Variants in TM9SF1 observed in about 807,000 individuals in gnomAD.
The protein encoded by TM9SF1 is transmembrane 9 superfamily member 1, also known as MP70 protein family member.
Under a neutral mutation model 52.4 loss-of-function variants are expected in TM9SF1, and 25 were observed. The observed-to-expected ratio is 0.48, with a 90% CI of 0.35 to 0.67. TM9SF1 has a LOEUF of 0.67. TM9SF1 is among the 30% of genes least tolerant of loss of function. The pLI is 0.01. For missense variants in TM9SF1, 604 were observed against 780.3 expected (o/e 0.77, Z 2.69); for synonymous variants, 284 against 299.8 (o/e 0.95, Z 0.55).
At chr14:24,190,239 A>G in intron 5 of TM9SF1, 141 bp downstream of exon 5, 1 of 1,490,546 alleles carries the variant, frequency 6.7e-7, no homozygotes, top group Non-Finnish European at 8.9e-7. Context: ...GCTTGGGGAT[A>G]GGAGGAACCA....
At chr14:24,190,986 C>T (rs1028244927) in intron 4 of TM9SF1, among the ~76,000 whole-genome samples, 65 of 151,810 alleles carry the variant, frequency 4.3e-4, no homozygotes, top group Middle Eastern at 3.4e-3. Context: ...CTCAGCCTCC[C>T]GAGTGAGTAG....
At position 24,192,444 on chromosome 14, in the gene TM9SF1, C is replaced by T; in HGVS notation, c.968-88G>A. On this transcript the variant is annotated intron_variant, in intron 3 of 5. Transcript: ENST00000261789. This position sits in a 1 kb window ranked among gnomAD's most constrained non-coding sequence, Gnocchi z 4.0. ...AGGAATCAGCCCCCCTTCTCCCAGA[C>T]CCAGGGCCTCCAGCAAAACAATCTC... 3 of 1,465,488 alleles carry T rather than the reference C, an allele frequency of 2.0e-6. No individual in the cohort carries two copies. Among genetic ancestry groups the T allele is most frequent in the East Asian group, 2.4e-5 (1 of 41,930 alleles). 90.8% of individuals were successfully genotyped at this position (1,465,488 alleles called of 1,614,324 possible).
Position 24,192,598 on chromosome 14 carries a change from C to G in TM9SF1, c.967+50G>C, listed in dbSNP as rs755220140. On this transcript the variant is annotated intron_variant, in intron 3 of 5. Transcript: ENST00000261789. This position sits in a 1 kb window ranked among gnomAD's most constrained non-coding sequence, Gnocchi z 4.0. ...AGACCTTTTCTGAACAAACTCCCTA[C>G]CTAGTTCTATCCCATGAGATAAATC... The G allele has an allele frequency of 1.4e-5, 21 of 1,526,956 alleles. No individual in the cohort carries two copies. The highest frequency in any genetic ancestry group is 1.8e-5 in the Non-Finnish European group (21 of 1,139,728). 94.6% of individuals were successfully genotyped at this position (1,526,956 alleles called of 1,614,324 possible).
rs745363681 is a variant in TM9SF1 at position 24,192,965 on chromosome 14, C to T, written c.650G>A (p.Ser217Asn). 3.1e-6 allele frequency: 5 copies of T among 1,614,008 alleles called. No homozygotes were observed. The South Asian group carries it at 4.4e-5, about 14-fold the overall frequency. Reference protein sequence around the residue: ...RWSETSVERRSDRRRGDDGGF... With the variant: ...RWSETSVERRNDRRRGDDGGF... Reference sequence around the variant, plus strand: ...ACCATCGTCACCACGGCGCCTGTCACTCCGACGCTCCACTGAAGTCTCAGA... The same window carrying T: ...ACCATCGTCACCACGGCGCCTGTCATTCCGACGCTCCACTGAAGTCTCAGA... The change falls in exon 3 of 6, where the codon AGT (serine) becomes AAT (asparagine). Residue 217 changes from serine (S) to asparagine (N), a missense_variant. By Grantham distance (46) the Ser-to-Asn change is conservative. Transcript: ENST00000261789. The surrounding 1 kb of genome is among the most constrained non-coding windows in gnomAD (Gnocchi z 4.0).
In TM9SF1 at chr14:24,194,232, G is replaced by A. The variant is rs532947438; in HGVS notation, c.345+443C>T. On this transcript the variant is annotated intron_variant, in intron 2 of 5. Coordinates refer to ENST00000261789, the MANE Select transcript of TM9SF1 (RefSeq NM_006405.7). Reference sequence around the variant, plus strand: ...TAAGGCCTAGAAAAAGGAGAGCGGTGAGGTATAAGGAGGTCTGGAGTGGAC... The same window carrying A: ...TAAGGCCTAGAAAAAGGAGAGCGGTAAGGTATAAGGAGGTCTGGAGTGGAC... Among the ~76,000 whole-genome samples the A allele has an allele frequency of 2.6e-5, 4 of 152,252 alleles. No individual in the cohort carries two copies. The South Asian group carries it at 8.3e-4, about 32-fold the overall frequency.
Position 24,189,699 on chromosome 14 carries a change from C to T in TM9SF1, c.1537G>A (p.Ala513Thr). The change falls in exon 6 of 6, where the codon GCT becomes ACT. Residue 513 changes from alanine (A) to threonine (T), a missense_variant. Ala to Thr is a moderately conservative substitution (Grantham distance 58, BLOSUM62 0). Around this residue, in one of 3 missense-constraint regions of TM9SF1, gnomAD observed 107 missense variants for 180.5 expected, o/e 0.59. Coordinates refer to ENST00000261789, the MANE Select transcript of TM9SF1 (RefSeq NM_006405.7). ...FVFAILLSVGACISIALTYFQ... is the reference protein window; with the variant it reads ...FVFAILLSVGTCISIALTYFQ... ...TAGGTGAGTGCAATGGAGATGCAAG[C>T]CCCCACACTCAGCAGGATGGCGAAG... The T allele has an allele frequency of 6.2e-7, 1 of 1,614,144 alleles. No individual in the cohort carries two copies. Among genetic ancestry groups the T allele is most frequent in the Non-Finnish European group, 8.5e-7 (1 of 1,180,004 alleles).
chr14:24,193,422 A>G (rs993719754), intron 2 of TM9SF1, among the ~76,000 whole-genome samples, 153 bp from the exon 3 acceptor site: 4 of 151,922 alleles, frequency 2.6e-5, no homozygotes, highest in African/African-American at 9.7e-5. Flanking sequence ...GCTGGAGTGC[A>G]GTGGTGCGAT....
Position 24,193,145 on chromosome 14 carries a change from A to G in TM9SF1, c.470T>C (p.Ile157Thr), listed in dbSNP as rs371965763. The G allele has an allele frequency of 5.0e-6, 8 of 1,614,022 alleles. No homozygotes were observed. In the African/African-American group the frequency reaches 8.0e-5, roughly 16 times the overall value. The change falls in exon 3 of 6, where the codon ATA becomes ACA. Residue 157 changes from isoleucine to threonine, a missense_variant. Around this residue, in one of 3 missense-constraint regions of TM9SF1, gnomAD observed 450 missense variants for 560.1 expected, o/e 0.80. Coordinates refer to ENST00000261789, the MANE Select transcript of TM9SF1 (RefSeq NM_006405.7). ...ESGFLPHSHK[I>T]GLWTHLDFHL... Reference sequence around the variant, plus strand: ...GAAGTCCAAATGGGTCCAGAGTCCTATCTTGTGGCTGTGTGGCAGGAAACC... The same window carrying G: ...GAAGTCCAAATGGGTCCAGAGTCCTGTCTTGTGGCTGTGTGGCAGGAAACC...
At position 24,192,101 on chromosome 14, in the gene TM9SF1, TGTGACCA is replaced by T; in HGVS notation, c.1153+63_1153+69del. On this transcript the variant is annotated intron_variant, in intron 4 of 5. Coordinates refer to ENST00000261789, the MANE Select transcript of TM9SF1 (RefSeq NM_006405.7). This position sits in a 1 kb window ranked among gnomAD's most constrained non-coding sequence, Gnocchi z 4.0. ...TGCTAGGATTACAGGTGTGAGCCAC[TGTGACCA>T]GCCACAATGTGTTCTTCATTCCTAA... 1 of 1,515,698 alleles carries T rather than the reference TGTGACCA, an allele frequency of 6.6e-7. No homozygotes were observed. The highest frequency in any genetic ancestry group is 9.1e-7 in the Non-Finnish European group (1 of 1,093,376). The allele number at this position is 1,515,698 out of a possible 1,614,324, so 93.9% of individuals were successfully genotyped here.
In TM9SF1 at chr14:24,192,404, T is replaced by G; in HGVS notation, c.968-48A>C. On this transcript the variant is annotated intron_variant, in intron 3 of 5. Transcript: ENST00000261789. This position sits in a 1 kb window ranked among gnomAD's most constrained non-coding sequence, Gnocchi z 4.0. ...CCAAGTTAGGCCTCACCTGTGTCTC[T>G]TCTAGCAATTTCAGAGGAATCAGCC... is the stretch of plus-strand genomic sequence containing the variant. 31 of 1,574,168 alleles carry G rather than the reference T, an allele frequency of 2.0e-5. No homozygotes were observed. The highest frequency in any genetic ancestry group is 2.2e-5 in the South Asian group (2 of 89,060).
chr14:24,189,692 A>G lies in TM9SF1; in HGVS notation c.1544T>C (p.Ile515Thr). 1.1e-5 allele frequency: 17 copies of G among 1,614,160 alleles called. No individual in the cohort carries two copies. Among genetic ancestry groups the G allele is most frequent in the Non-Finnish European group, 1.4e-5 (17 of 1,180,004 alleles). ...CTGGAAGTAGGTGAGTGCAATGGAG[A>G]TGCAAGCCCCCACACTCAGCAGGAT... ...FAILLSVGAC[I>T]SIALTYFQLS... The change falls in exon 6 of 6, where the codon ATC becomes ACC. Residue 515 changes from isoleucine (I) to threonine (T), a missense_variant. Around this residue, in one of 3 missense-constraint regions of TM9SF1, gnomAD observed 107 missense variants for 180.5 expected, o/e 0.59. Transcript: ENST00000261789.
In TM9SF1 at chr14:24,194,842, G is replaced by T. The variant is rs1323886166; in HGVS notation, c.178C>A (p.His60Asn). ...CAGCAGACTGGAAGCTGATAGTAGT[G>T]GTAAGTTTCCTGAGGGTTATGGTAG... ...GPYHNPQETY[H>N]YYQLPVCCPE... is the part of the protein sequence containing the mutation. The change falls in exon 2 of 6, where the codon CAC becomes AAC. Residue 60 changes from histidine to asparagine, a missense_variant. Physicochemically the swap from His to Asn is moderately conservative, Grantham distance 68. Transcript: ENST00000261789. The T allele has an allele frequency of 3.1e-6, 5 of 1,614,086 alleles. No individual in the cohort carries two copies. Among genetic ancestry groups the T allele is most frequent in the Non-Finnish European group, 4.2e-6 (5 of 1,180,048 alleles).
In TM9SF1 at chr14:24,193,237, C is replaced by T. The variant is rs2039350480; in HGVS notation, c.378G>A (p.Leu126=). The T allele has an allele frequency of 6.2e-7, 1 of 1,610,902 alleles. No individual in the cohort carries two copies. Among genetic ancestry groups the T allele is most frequent in the Admixed American group, 1.7e-5 (1 of 59,844 alleles). ...VEQLRQAIEE[L]YYFEFVVDDL... is the part of the protein sequence containing the mutation. ...CATCTACCACAAATTCAAAGTAGTA[C>T]AGTTCTTCAATGGCCTGGCGCAGCT... The change falls in exon 3 of 6, where the codon CTG becomes CTA. Residue 126 remains leucine (L), a synonymous_variant. Coordinates refer to ENST00000261789, the MANE Select transcript of TM9SF1 (RefSeq NM_006405.7).
In TM9SF1 at chr14:24,192,296, G is replaced by C; in HGVS notation, c.1028C>G (p.Ser343Ter). The C allele has an allele frequency of 6.2e-7, 1 of 1,614,184 alleles. No homozygotes were observed. Among genetic ancestry groups the C allele is most frequent in the Non-Finnish European group, 8.5e-7 (1 of 1,180,044 alleles). Residue 343 changes from serine to a stop codon, truncating the protein, a stop_gained, in exon 4 of 6, where the codon TCA becomes TGA. Coordinates refer to ENST00000261789, the MANE Select transcript of TM9SF1 (RefSeq NM_006405.7). LOFTEE classifies it high-confidence loss of function. This position sits in a 1 kb window ranked among gnomAD's most constrained non-coding sequence, Gnocchi z 4.0. ...CAGGGCATACAACAAGATGGCTGCT[G>C]AGTTAATGGCCCCATGACGGTGCAC... ...FNVHRHGAIN[S>*]AAILLYALTC...
intron 5 of TM9SF1, 137 bp from the exon 6 acceptor site, chr14:24,189,945 C>T: frequency 7.1e-7 from 1 of 1,409,540 alleles, no homozygotes; most frequent in Non-Finnish European, 9.3e-7. Flanking sequence ...CTCTCTGCCC[C>T]AGATCTCCTG....
At chr14:24,193,611 T>C (rs1185836500) in intron 2 of TM9SF1, among the ~76,000 whole-genome samples, 4 of 149,926 alleles carry the variant, frequency 2.7e-5, no homozygotes, top group East Asian at 2.1e-4. Context: ...ATGATCTGCC[T>C]GCCTCGGCCT....
chr14:24,189,380 A>AG lies in TM9SF1; in HGVS notation c.*34dup, dbSNP rs1188676150. On this transcript the variant is annotated 3_prime_UTR_variant, in exon 6 of 6. Coordinates refer to ENST00000261789, the MANE Select transcript of TM9SF1 (RefSeq NM_006405.7). Reference sequence around the variant, plus strand: ...GGAGAGTTCAACAGGGCATGAAGAAAGGGAGAGAACAGCAATAGTTCTGCC... The same window carrying AG: ...GGAGAGTTCAACAGGGCATGAAGAAAGGGGAGAGAACAGCAATAGTTCTGCC... 1 of 1,573,738 alleles carries AG rather than the reference A, an allele frequency of 6.4e-7. No homozygotes were observed. The highest frequency in any genetic ancestry group is 8.6e-7 in the Non-Finnish European group (1 of 1,159,724).
intron 5 of TM9SF1, 121 bp from the exon 6 acceptor site, chr14:24,189,929 A>G: frequency 7.0e-7 from 1 of 1,426,996 alleles, no homozygotes; most frequent in South Asian, 1.6e-5. Context: ...AAGTGAGTTC[A>G]CTCCACTCTC....
chr14:24,191,999 A>G, intron 4 of TM9SF1, 172 bp downstream of exon 4: 1 of 658,920 alleles, frequency 1.5e-6, no homozygotes, highest in Non-Finnish European at 2.7e-6. Context: ...TGTTATAGAG[A>G]GAGGGTCTCA....
Sources: gnomAD v4.1 joint callset for allele counts (sites outside exome capture counted in the v4.1 genomes callset) on GRCh38, gnomAD v4.1.1 for gene constraint, gnomAD v4.1.1 regional missense constraint, Gnocchi (gnomAD v3.1) non-coding constraint, MANE v1.5 for transcripts, NCBI Gene and HGNC (gene_info 2026-07-23, HGNC 2026-07-21) for gene names.